ABCG2: variants seen among roughly 807,000 people sequenced by gnomAD.
ABCG2 encodes the protein ATP binding cassette subfamily G member 2 (JR blood group), also known as broad substrate specificity ATP-binding cassette transporter ABCG2.
In ABCG2, 80 loss-of-function variants were observed where a neutral mutation model predicts 73.5. The observed-to-expected ratio is 1.09, with a 90% CI of 0.91 to 1.31. The LOEUF (loss-of-function observed/expected upper bound fraction) is 1.31, where lower values mean the gene tolerates loss of function less well. Ranked by LOEUF, ABCG2 falls within the 50% of genes most tolerant of loss-of-function variation. ABCG2 has a pLI of 0.00. For missense variants in ABCG2, 796 were observed against 786.2 expected (o/e 1.01, Z -0.15); for synonymous variants, 269 against 282.4 (o/e 0.95, Z 0.48).
intron 12 of ABCG2, among the ~76,000 whole-genome samples, chr4:88,098,843 G>A (rs1283826905): frequency 2.6e-5 from 4 of 152,132 alleles, no homozygotes; most frequent in African/African-American, 7.2e-5. Context: ...GGGCACATCC[G>A]CTCATTCCTA....
intron 3 of ABCG2, among the ~76,000 whole-genome samples, chr4:88,132,120 A>AT (rs1451501300): frequency 6.6e-6 from 1 of 152,166 alleles, no homozygotes; most frequent in Non-Finnish European, 1.5e-5. Flanking sequence ...TTCTCTTTTC[A>AT]TTGTACATTA....
intron 1 of ABCG2, among the ~76,000 whole-genome samples, chr4:88,204,574 A>G (rs1729308942): frequency 6.6e-6 from 1 of 152,254 alleles, no homozygotes; most frequent in Admixed American, 6.5e-5. Context: ...ATAGGCATAA[A>G]ATACTCACTC....
chr4:88,191,722 G>A (rs1184252453), intron 1 of ABCG2, among the ~76,000 whole-genome samples: 1 of 152,140 alleles, frequency 6.6e-6, no homozygotes, highest in Non-Finnish European at 1.5e-5. Flanking sequence ...CCCATCAACT[G>A]ATAAGTGAAT....
chr4:88,149,646 G>A lies in ABCG2; in HGVS notation c.-20+8740C>T, dbSNP rs561952984. Among the ~76,000 whole-genome samples the A allele has an allele frequency of 4.6e-5, 7 of 151,822 alleles. No homozygotes were observed. The South Asian group carries it at 1.5e-3, about 32-fold the overall frequency. On this transcript the variant is annotated intron_variant, in intron 1 of 15. Coordinates refer to ENST00000237612, the MANE Select transcript of ABCG2 (RefSeq NM_004827.3). Reference sequence around the variant, plus strand: ...GCAGGCGGATCACATGAGGTCGGGAGTTCGAGACCAGCCTGACCAACATGG... The same window carrying A: ...GCAGGCGGATCACATGAGGTCGGGAATTCGAGACCAGCCTGACCAACATGG...
chr4:88,100,406 G>A (rs1339147769), intron 11 of ABCG2, among the ~76,000 whole-genome samples: 1 of 151,856 alleles, frequency 6.6e-6, no homozygotes, highest in Non-Finnish European at 1.5e-5. Context: ...GGGAGGCTGA[G>A]GGAGGAGAAT....
intron 1 of ABCG2, among the ~76,000 whole-genome samples, chr4:88,218,820 T>C (rs1476044216): frequency 2.0e-5 from 3 of 152,256 alleles, no homozygotes; most frequent in African/African-American, 7.2e-5. Context: ...TCTAGTCTAT[T>C]ATCTTTACCT....
At chr4:88,121,519 T>C (rs1471311533) in intron 6 of ABCG2, 116 bp downstream of exon 6, 2 of 1,010,620 alleles carry the variant, frequency 2.0e-6, no homozygotes, top group South Asian at 1.8e-5. Flanking sequence ...TGACTTTCAC[T>C]CCAACAGAAG....
At chr4:88,156,688 A>G (rs1337051172) in intron 1 of ABCG2, among the ~76,000 whole-genome samples, 1 of 152,218 alleles carries the variant, frequency 6.6e-6, no homozygotes, top group East Asian at 1.9e-4. Flanking sequence ...GCTAAACAAC[A>G]TGTTCCACAA....
chr4:88,230,773 T>A (rs1346688130), intron 1 of ABCG2, among the ~76,000 whole-genome samples: 3 of 152,106 alleles, frequency 2.0e-5, no homozygotes, highest in African/African-American at 7.2e-5. Context: ...CAAAGTGTGG[T>A]CCATAGAGGT....
chr4:88,143,246 T>C (rs953177623), intron 1 of ABCG2, among the ~76,000 whole-genome samples: 8 of 152,162 alleles, frequency 5.3e-5, no homozygotes, highest in Admixed American at 4.6e-4. Context: ...ATAACTGTAA[T>C]GTATGGACTT....
At chr4:88,139,417 C>T (rs1399708238) in intron 2 of ABCG2, among the ~76,000 whole-genome samples, 3 of 152,080 alleles carry the variant, frequency 2.0e-5, no homozygotes, top group Non-Finnish European at 2.9e-5. Context: ...CCACGCCCAG[C>T]TAATTTTTTG....
chr4:88,144,046 T>G (rs1725809702), intron 1 of ABCG2, among the ~76,000 whole-genome samples: 1 of 152,194 alleles, frequency 6.6e-6, no homozygotes, highest in Admixed American at 6.5e-5. Context: ...CTGATCTCAT[T>G]GGATTAGCAT....
At chr4:88,206,738 C>T (rs1425710161) in intron 1 of ABCG2, among the ~76,000 whole-genome samples, 1 of 152,162 alleles carries the variant, frequency 6.6e-6, no homozygotes, top group Non-Finnish European at 1.5e-5. Flanking sequence ...TCTTCACTAC[C>T]ACTCTAGCCC....
intron 1 of ABCG2, among the ~76,000 whole-genome samples, chr4:88,219,926 C>T (rs550726577): frequency 6.6e-6 from 1 of 151,852 alleles, no homozygotes; most frequent in South Asian, 2.1e-4. Context: ...TGCTGTGCAA[C>T]CATCACTACC....
intron 1 of ABCG2, among the ~76,000 whole-genome samples, chr4:88,226,057 A>T (rs1730200203): frequency 6.6e-6 from 1 of 152,192 alleles, no homozygotes; most frequent in Non-Finnish European, 1.5e-5. Context: ...ACAATTCAAA[A>T]AGAGATCTGG....
At chr4:88,199,000 G>A (rs557046914) in intron 1 of ABCG2, among the ~76,000 whole-genome samples, 1 of 151,804 alleles carries the variant, frequency 6.6e-6, no homozygotes, top group East Asian at 1.9e-4. Context: ...ACAGAATCTC[G>A]CTGTGTCACC....
In ABCG2 at chr4:88,154,959, T is replaced by C. The variant is rs189044053; in HGVS notation, c.-20+3427A>G. Reference sequence around the variant, plus strand: ...GCTAAAACAGTAAGGTCAAGTTGTTTGGACAAAAAGGCTACAGGACGCGAT... The same window carrying C: ...GCTAAAACAGTAAGGTCAAGTTGTTCGGACAAAAAGGCTACAGGACGCGAT... On this transcript the variant is annotated intron_variant, in intron 1 of 15. Coordinates refer to ENST00000237612, the MANE Select transcript of ABCG2 (RefSeq NM_004827.3). Among the ~76,000 whole-genome samples, 29 of 152,238 alleles carry C rather than the reference T, an allele frequency of 1.9e-4. No homozygotes were observed. In the East Asian group the frequency reaches 5.6e-3, roughly 29 times the overall value.
intron 1 of ABCG2, among the ~76,000 whole-genome samples, chr4:88,192,959 C>A (rs556262940): frequency 6.6e-6 from 1 of 150,958 alleles, no homozygotes; most frequent in African/African-American, 2.4e-5. Flanking sequence ...GTGATCCACC[C>A]GCCTCAGCCT....
intron 1 of ABCG2, among the ~76,000 whole-genome samples, chr4:88,157,955 G>A (rs1415736106): frequency 6.6e-6 from 1 of 152,184 alleles, no homozygotes; most frequent in Non-Finnish European, 1.5e-5. Flanking sequence ...TAAAGGGATT[G>A]ACCAATAATT....
Sources: allele counts gnomAD v4.1 joint callset (sites outside exome capture counted in the v4.1 genomes callset), GRCh38; gene constraint gnomAD v4.1.1; transcripts MANE v1.5; gene names NCBI Gene and HGNC (gene_info 2026-07-23, HGNC 2026-07-21).